The following MACROD2 variants were observed in gnomAD, a reference collection of about 807,000 sequenced individuals.
MACROD2 encodes the protein mono-ADP ribosylhydrolase 2.
Under a neutral mutation model 70.4 loss-of-function variants are expected in MACROD2, and 36 were observed. The ratio of observed to expected loss-of-function variants is 0.51; its 90% confidence interval spans 0.39 to 0.68. The LOEUF (loss-of-function observed/expected upper bound fraction) is 0.68. Ranked by LOEUF, MACROD2 falls within the 30% of genes least tolerant of loss-of-function variation. The pLI is 0.00. For missense variants in MACROD2, 496 were observed against 538.4 expected, an observed-to-expected ratio of 0.92 and a Z score of 0.78; for synonymous variants, 172 against 178.8, an observed-to-expected ratio of 0.96 and a Z score of 0.30.
At chr20:15,427,231 G>T (rs407486) in intron 6 of MACROD2, among the ~76,000 whole-genome samples, 3 of 151,974 alleles carry the variant, frequency 2.0e-5, no homozygotes, top group African/African-American at 4.8e-5. Context: ...CCACATTCAA[G>T]GCAACGATGT....
At chr20:15,899,480 T>C (rs2065032178) in intron 10 of MACROD2, among the ~76,000 whole-genome samples, 1 of 152,218 alleles carries the variant, frequency 6.6e-6, no homozygotes, top group African/African-American at 2.4e-5. Context: ...TTATGTGTAA[T>C]TGAATATGCA....
intron 4 of MACROD2, among the ~76,000 whole-genome samples, chr20:14,564,382 A>T (rs1423994978): frequency 6.6e-6 from 1 of 152,050 alleles, no homozygotes; most frequent in Non-Finnish European, 1.5e-5. Flanking sequence ...CTGCACAGCT[A>T]AAGAAATAAT....
chr20:14,126,905 C>A (rs992908287), intron 3 of MACROD2, among the ~76,000 whole-genome samples: 19 of 152,246 alleles, frequency 1.2e-4, no homozygotes, highest in African/African-American at 4.6e-4. Flanking sequence ...GCTGCTTATT[C>A]TTTGAGAAAC....
intron 17 of MACROD2, among the ~76,000 whole-genome samples, chr20:16,049,479 A>G (rs1156576989): frequency 6.6e-6 from 1 of 152,178 alleles, no homozygotes; most frequent in African/African-American, 2.4e-5. Flanking sequence ...TTATATGCTG[A>G]TCCCTGGAAA....
chr20:14,914,976 T>C (rs970338741), intron 5 of MACROD2, among the ~76,000 whole-genome samples: 2 of 152,186 alleles, frequency 1.3e-5, no homozygotes, highest in Non-Finnish European at 2.9e-5. Flanking sequence ...GACAATAGAT[T>C]CGACTGATTT....
intron 3 of MACROD2, among the ~76,000 whole-genome samples, chr20:14,190,712 T>A (rs1218550732): frequency 7.4e-4 from 75 of 101,708 alleles, no homozygotes; most frequent in Middle Eastern, 4.9e-3. Flanking sequence ...TTTTTTTTTT[T>A]TTTTTTTTTT....
At chr20:14,887,928 G>T (rs1321475144) in intron 5 of MACROD2, among the ~76,000 whole-genome samples, 2 of 150,812 alleles carry the variant, frequency 1.3e-5, no homozygotes, top group African/African-American at 4.9e-5. Flanking sequence ...GTGGCCCAAA[G>T]AGACTGGGTG....
At chr20:14,986,286 C>G (rs2074847985) in intron 5 of MACROD2, among the ~76,000 whole-genome samples, 1 of 152,086 alleles carries the variant, frequency 6.6e-6, no homozygotes. Flanking sequence ...CCTGTTTCCT[C>G]AGGCATTTCT....
chr20:15,575,435 C>A (rs2048433353), intron 8 of MACROD2, among the ~76,000 whole-genome samples: 1 of 152,038 alleles, frequency 6.6e-6, no homozygotes, highest in African/African-American at 2.4e-5. Context: ...TAAATGAATA[C>A]CATGGATGAA....
At chr20:15,432,598 T>C (rs2046376702) in intron 7 of MACROD2, among the ~76,000 whole-genome samples, 1 of 152,120 alleles carries the variant, frequency 6.6e-6, no homozygotes, top group Non-Finnish European at 1.5e-5. Context: ...TACAAAGTTA[T>C]GCCTGGCAAA....
intron 8 of MACROD2, among the ~76,000 whole-genome samples, chr20:15,781,543 C>G (rs1420749497): frequency 6.6e-6 from 1 of 152,164 alleles, no homozygotes; most frequent in African/African-American, 2.4e-5. Context: ...ATGGCTTCTT[C>G]TTGCTGCATC....
chr20:15,447,842 A>G (rs2046589995), intron 7 of MACROD2, among the ~76,000 whole-genome samples: 1 of 152,106 alleles, frequency 6.6e-6, no homozygotes, highest in South Asian at 2.1e-4. Context: ...GGAGTGACTC[A>G]TGGTAAGAGA....
At chr20:14,970,740 T>C (rs1192877727) in intron 5 of MACROD2, among the ~76,000 whole-genome samples, 1 of 152,140 alleles carries the variant, frequency 6.6e-6, no homozygotes, top group African/African-American at 2.4e-5. Context: ...ATCCTTAACC[T>C]CTTGGGCTCA....
intron 3 of MACROD2, among the ~76,000 whole-genome samples, chr20:14,336,642 T>A (rs374462845): frequency 5.9e-5 from 9 of 152,206 alleles, no homozygotes; most frequent in African/African-American, 1.4e-4. Flanking sequence ...ACTGCATACA[T>A]CAGGCATAGC....
At chr20:14,161,787 G>A (rs987796378) in intron 3 of MACROD2, among the ~76,000 whole-genome samples, 4 of 151,654 alleles carry the variant, frequency 2.6e-5, no homozygotes, top group Admixed American at 2.6e-4. Context: ...GTAGAGACAA[G>A]GTTTAACCGT....
At chr20:15,795,773 C>A (rs6131711) in intron 8 of MACROD2, among the ~76,000 whole-genome samples, 64,871 of 151,928 alleles carry the variant, frequency 0.43, 14,140 homozygotes, top group African/African-American at 0.52. Flanking sequence ...ATAAAAGGCT[C>A]ACCAATGCCT....
intron 6 of MACROD2, among the ~76,000 whole-genome samples, chr20:15,265,736 T>C (rs1446626315): frequency 6.6e-6 from 1 of 152,202 alleles, no homozygotes; most frequent in Non-Finnish European, 1.5e-5. Flanking sequence ...AATAAAAGGC[T>C]ATAACCATGC....
intron 5 of MACROD2, among the ~76,000 whole-genome samples, chr20:15,167,608 T>A (rs2076394428): frequency 1.3e-5 from 2 of 152,178 alleles, no homozygotes; most frequent in Admixed American, 1.3e-4. Context: ...ATAATTACAT[T>A]ATACCTTCTG....
intron 3 of MACROD2, among the ~76,000 whole-genome samples, chr20:14,366,791 C>T (rs1203753295): frequency 6.6e-6 from 1 of 152,060 alleles, no homozygotes; most frequent in Non-Finnish European, 1.5e-5. Flanking sequence ...GTCTTTGGAT[C>T]TAAAATGAGT....
Sources: gnomAD v4.1 joint callset for allele counts (sites outside exome capture counted in the v4.1 genomes callset) on GRCh38, gnomAD v4.1.1 for gene constraint, MANE v1.5 for transcripts, NCBI Gene and HGNC (gene_info 2026-07-23, HGNC 2026-07-21) for gene names.